XKR9: variants seen among roughly 807,000 people sequenced by gnomAD.
XKR9 encodes XK related 9, also known as XK-related protein 9.
In XKR9, 32 loss-of-function variants were observed where a neutral mutation model predicts 32.0. That is an observed-to-expected ratio of 1.00 (90% CI 0.76 to 1.34). The LOEUF (loss-of-function observed/expected upper bound fraction) is 1.34, where lower values mean the gene tolerates loss of function less well. Ranked by LOEUF, XKR9 falls within the 40% of genes most tolerant of loss-of-function variation. The pLI is 0.00. For synonymous variants in XKR9, 168 were observed against 143.4 expected, an observed-to-expected ratio of 1.17 and a Z score of -1.22; for missense variants, 546 against 429.7, an observed-to-expected ratio of 1.27 and a Z score of -2.39.
At chr8:70,928,045 C>T in the XKR9 span, among the ~76,000 whole-genome samples, 6 of 152,056 alleles carry the variant, frequency 3.9e-5, no homozygotes, top group South Asian at 2.1e-4. Flanking sequence ...AATCTAATTT[C>T]GTGTGTGTGT....
chr8:70,993,454 G>A, the XKR9 span, among the ~76,000 whole-genome samples: 1 of 152,042 alleles, frequency 6.6e-6, no homozygotes, highest in African/African-American at 2.4e-5. Context: ...TGATTCCCCT[G>A]ACAGTGTCCC....
chr8:71,014,636 C>G, the XKR9 span, among the ~76,000 whole-genome samples: 954 of 152,224 alleles, frequency 6.3e-3, 9 homozygotes, highest in African/African-American at 0.022. Flanking sequence ...TGCAAAGAAC[C>G]TTTTTCCAAA....
At chr8:70,724,670 C>T (rs974808771) in intron 4 of XKR9, among the ~76,000 whole-genome samples, 2 of 152,104 alleles carry the variant, frequency 1.3e-5, no homozygotes, top group East Asian at 3.9e-4. Flanking sequence ...GAGGTGACAA[C>T]CCACCCTGCT....
At chr8:70,752,756 C>T (rs1211212274) in intron 2 of XKR9, among the ~76,000 whole-genome samples, 4 of 152,114 alleles carry the variant, frequency 2.6e-5, no homozygotes, top group African/African-American at 9.7e-5. Context: ...CTCTGGGACA[C>T]ATTTAAAGCA....
chr8:70,931,970 A>C, the XKR9 span, among the ~76,000 whole-genome samples: 1 of 152,126 alleles, frequency 6.6e-6, no homozygotes, highest in Admixed American at 6.6e-5. Flanking sequence ...TCCTAACCAT[A>C]TCAGGTAGGT....
the XKR9 span, among the ~76,000 whole-genome samples, chr8:70,923,938 T>C: frequency 6.6e-6 from 1 of 152,066 alleles, no homozygotes; most frequent in Non-Finnish European, 1.5e-5. Flanking sequence ...TGATATCTCC[T>C]ATTTGCTTCC....
chr8:70,814,188 C>T, the XKR9 span, among the ~76,000 whole-genome samples: 1 of 151,860 alleles, frequency 6.6e-6, no homozygotes, highest in Non-Finnish European at 1.5e-5. Flanking sequence ...CAAACTATCG[C>T]AAGGACAAAA....
chr8:70,792,197 T>A (rs1807772575), downstream of XKR9, among the ~76,000 whole-genome samples: 2 of 152,150 alleles, frequency 1.3e-5, 1 homozygote, highest in South Asian at 4.1e-4. Flanking sequence ...CAATTAACAC[T>A]AATAGACTCT....
the XKR9 span, among the ~76,000 whole-genome samples, chr8:71,006,701 A>G: frequency 1.3e-5 from 2 of 152,206 alleles, no homozygotes; most frequent in African/African-American, 4.8e-5. Flanking sequence ...TTTGATTCAC[A>G]TCTCAGTATC....
At chr8:71,059,713 G>A in the XKR9 span, among the ~76,000 whole-genome samples, 1 of 152,260 alleles carries the variant, frequency 6.6e-6, no homozygotes, top group African/African-American at 2.4e-5. Context: ...CAGGTAACTG[G>A]GATCACTTAT....
At chr8:70,740,812 A>G (rs1360765676), downstream of XKR9, among the ~76,000 whole-genome samples, 3 of 152,170 alleles carry the variant, frequency 2.0e-5, no homozygotes, top group Admixed American at 2.0e-4. Context: ...CTGCTGTCTG[A>G]TCGTTCCTCT....
chr8:70,757,332 C>G (rs1256850415), intron 2 of XKR9, among the ~76,000 whole-genome samples: 2 of 151,920 alleles, frequency 1.3e-5, no homozygotes, highest in Non-Finnish European at 2.9e-5. Context: ...TGTTCCTTTG[C>G]ATGCATAATC....
the XKR9 span, among the ~76,000 whole-genome samples, chr8:70,981,938 A>C: frequency 2.0e-4 from 31 of 152,230 alleles, no homozygotes; most frequent in Non-Finnish European, 4.0e-4. Flanking sequence ...CAGTGGAGCT[A>C]CTAGACTCTT....
At chr8:71,050,878 G>T in the XKR9 span, among the ~76,000 whole-genome samples, 1 of 152,146 alleles carries the variant, frequency 6.6e-6, no homozygotes, top group South Asian at 2.1e-4. Flanking sequence ...CAGAATGTCA[G>T]TGCTTTTTGA....
chr8:70,932,126 T>C, the XKR9 span, among the ~76,000 whole-genome samples: 1 of 152,122 alleles, frequency 6.6e-6, no homozygotes, highest in Admixed American at 6.6e-5. Context: ...ACATGGTCTC[T>C]TCCCATGAGA....
chr8:70,788,440 A>G (rs1484148239), intron 2 of XKR9, among the ~76,000 whole-genome samples: 2 of 152,094 alleles, frequency 1.3e-5, no homozygotes, highest in Non-Finnish European at 2.9e-5. Context: ...GGGCCAGCAA[A>G]GTTGTATGAA....
At chr8:70,704,441 G>T (rs902282736) in intron 3 of XKR9, among the ~76,000 whole-genome samples, 2 of 152,096 alleles carry the variant, frequency 1.3e-5, no homozygotes, top group Non-Finnish European at 2.9e-5. Context: ...CATGTGCCAG[G>T]TCCTGGTCTA....
At chr8:70,832,623 A>G in the XKR9 span, among the ~76,000 whole-genome samples, 1 of 152,296 alleles carries the variant, frequency 6.6e-6, no homozygotes. Context: ...TCTTATTAAT[A>G]TTACTAGATA....
At chr8:70,797,270 C>A in the XKR9 span, among the ~76,000 whole-genome samples, 1 of 152,044 alleles carries the variant, frequency 6.6e-6, no homozygotes, top group Non-Finnish European at 1.5e-5. Context: ...AGGGTGTCAC[C>A]TGGCTGAGAG....
Sources: gnomAD v4.1 joint callset for allele counts (sites outside exome capture counted in the v4.1 genomes callset) on GRCh38, gnomAD v4.1.1 for gene constraint, MANE v1.5 for transcripts, NCBI Gene and HGNC (gene_info 2026-07-23, HGNC 2026-07-21) for gene names.